PINX1: variants seen among roughly 807,000 people sequenced by gnomAD.
PINX1 encodes PIN2 (TERF1) interacting telomerase inhibitor 1.
PINX1 carries 34 observed loss-of-function variants against 25.4 expected under a neutral mutation model. That is an observed-to-expected ratio of 1.34 (90% CI 1.02 to 1.78). The LOEUF (loss-of-function observed/expected upper bound fraction) is 1.78, where lower values mean the gene tolerates loss of function less well. Ranked by LOEUF, PINX1 falls within the 40% of genes most tolerant of loss-of-function variation. The probability of loss-of-function intolerance (pLI) is 0.00; values close to 1 mark genes in which losing one functional copy is unlikely to be tolerated. For synonymous variants in PINX1, 197 were observed against 147.7 expected (o/e 1.33, Z -2.42); for missense variants, 592 against 404.9 (o/e 1.46, Z -3.97).
intron 6 of PINX1, among the ~76,000 whole-genome samples, chr8:10,766,162 G>A (rs1042500535): frequency 6.6e-6 from 1 of 152,162 alleles, no homozygotes; most frequent in Non-Finnish European, 1.5e-5. Flanking sequence ...GGTACCAGGT[G>A]GGGTGGTAGA....
intron 6 of PINX1, among the ~76,000 whole-genome samples, chr8:10,796,804 T>C (rs1235985289): frequency 1.3e-5 from 2 of 151,728 alleles, no homozygotes; most frequent in African/African-American, 2.4e-5. Context: ...CATTACCATA[T>C]AAAAGGCTCT....
intron 6 of PINX1, among the ~76,000 whole-genome samples, chr8:10,804,627 C>G (rs1802379611): frequency 6.6e-6 from 1 of 151,738 alleles, no homozygotes; most frequent in African/African-American, 2.4e-5. Context: ...GCCGGGGAGG[C>G]TACTTAGGAT....
intron 4 of PINX1, among the ~76,000 whole-genome samples, chr8:10,828,442 T>C (rs1420298575): frequency 7.9e-5 from 12 of 152,160 alleles, no homozygotes; most frequent in Non-Finnish European, 1.5e-5. Flanking sequence ...AGAGAGCTGC[T>C]GTGATGCCTG....
At chr8:10,804,962 C>T (rs996967675) in intron 6 of PINX1, among the ~76,000 whole-genome samples, 3 of 151,864 alleles carry the variant, frequency 2.0e-5, no homozygotes, top group Non-Finnish European at 2.9e-5. Flanking sequence ...CTTGGTTTGA[C>T]GCTACAAAGG....
chr8:10,775,210 A>G (rs1801350023), intron 6 of PINX1, among the ~76,000 whole-genome samples: 1 of 152,120 alleles, frequency 6.6e-6, no homozygotes, highest in Non-Finnish European at 1.5e-5. Context: ...ATATATTGAA[A>G]ACTTAAGTGA....
intron 1 of PINX1, among the ~76,000 whole-genome samples, chr8:10,835,312 T>C (rs1443484252): frequency 6.6e-6 from 1 of 152,234 alleles, no homozygotes; most frequent in Non-Finnish European, 1.5e-5. Context: ...CCATTGTCAC[T>C]GGCAGATATG....
At chr8:10,793,773 T>C (rs1381786698) in intron 6 of PINX1, among the ~76,000 whole-genome samples, 7 of 152,206 alleles carry the variant, frequency 4.6e-5, no homozygotes, top group Admixed American at 2.0e-4. Flanking sequence ...CTCAGGGATC[T>C]CTGTCAAAGC....
chr8:10,808,092 T>C (rs1318866386), intron 6 of PINX1, among the ~76,000 whole-genome samples: 1 of 152,238 alleles, frequency 6.6e-6, no homozygotes. Flanking sequence ...AATGTTATTA[T>C]TGTACACTAT....
Position 10,826,637 on chromosome 8 carries a change from C to A in PINX1, c.302-393G>T, listed in dbSNP as rs146730977. ...GAATGCATGAACAGCTGAGCAACCCCTGGGCCATCCTTACAGTGGAATACC... is the reference window on the plus strand; with the variant it reads ...GAATGCATGAACAGCTGAGCAACCCATGGGCCATCCTTACAGTGGAATACC... On this transcript the variant is annotated intron_variant, in intron 4 of 6. Coordinates refer to ENST00000314787, the MANE Select transcript of PINX1 (RefSeq NM_017884.6). Among the ~76,000 whole-genome samples the A allele has an allele frequency of 6.8e-3, 1,034 of 152,348 alleles. 13 individuals carry two copies. Among genetic ancestry groups the A allele is most frequent in the Admixed American group, 0.012 (185 of 15,312 alleles).
intron 6 of PINX1, among the ~76,000 whole-genome samples, chr8:10,805,428 TG>T (rs1330079949): frequency 7.5e-6 from 1 of 133,190 alleles, no homozygotes. Flanking sequence ...ATGCTTAACT[TG>T]CAGGAAGAAG....
At chr8:10,834,214 A>G (rs557703719) in intron 2 of PINX1, 2 of 155,798 alleles carry the variant, frequency 1.3e-5, no homozygotes, top group Non-Finnish European at 2.8e-5. Context: ...AAGAGACAAT[A>G]GCACTGTGGA....
chr8:10,821,930 C>T (rs979926771), intron 5 of PINX1: 1 of 152,180 alleles, frequency 6.6e-6, no homozygotes, highest in Non-Finnish European at 1.5e-5. Flanking sequence ...TGTGAACACA[C>T]AGATTCAAAA....
chr8:10,789,656 C>G (rs1193361831), intron 6 of PINX1, among the ~76,000 whole-genome samples: 1 of 152,198 alleles, frequency 6.6e-6, no homozygotes, highest in Non-Finnish European at 1.5e-5. Context: ...GTCACAGGCC[C>G]AGTGGCAGAG....
chr8:10,781,014 C>G (rs1801568631), intron 6 of PINX1, among the ~76,000 whole-genome samples: 1 of 152,018 alleles, frequency 6.6e-6, no homozygotes, highest in Non-Finnish European at 1.5e-5. Context: ...ACACACAGAC[C>G]AATGGAACAG....
intron 6 of PINX1, among the ~76,000 whole-genome samples, chr8:10,802,375 A>G (rs1802293611): frequency 1.3e-5 from 2 of 152,204 alleles, no homozygotes; most frequent in Non-Finnish European, 1.5e-5. Flanking sequence ...CACCCCACAG[A>G]CAAGAACAAG....
intron 6 of PINX1, 61 bp downstream of exon 6, chr8:10,820,132 T>C (rs916376653): frequency 1.1e-5 from 12 of 1,065,516 alleles, no homozygotes; most frequent in Admixed American, 1.8e-5. Flanking sequence ...AACAGTCCTA[T>C]ACACAGGTGA....
chr8:10,786,230 T>G (rs1285892962), intron 6 of PINX1, among the ~76,000 whole-genome samples: 5 of 152,250 alleles, frequency 3.3e-5, no homozygotes, highest in Non-Finnish European at 5.9e-5. Flanking sequence ...TTCTTGGGAC[T>G]GACAAACCTG....
intron 6 of PINX1, among the ~76,000 whole-genome samples, chr8:10,789,539 A>G (rs975983750): frequency 6.6e-6 from 1 of 152,200 alleles, no homozygotes; most frequent in Non-Finnish European, 1.5e-5. Context: ...TACTCATCTT[A>G]GCCTCTGTCC....
At chr8:10,832,776 G>C in intron 3 of PINX1, 116 bp downstream of exon 3, 1 of 591,620 alleles carries the variant, frequency 1.7e-6, no homozygotes, top group East Asian at 3.0e-5. Flanking sequence ...GAGGAAACGT[G>C]AATAAAAAGA....
Sources: gnomAD v4.1 joint callset for allele counts (sites outside exome capture counted in the v4.1 genomes callset) on GRCh38, gnomAD v4.1.1 for gene constraint, MANE v1.5 for transcripts, NCBI Gene and HGNC (gene_info 2026-07-23, HGNC 2026-07-21) for gene names.